Variants in REPS2 observed in about 807,000 individuals in gnomAD.
The protein encoded by REPS2 is RALBP1 associated Eps domain containing 2, also known as ralBP1-associated Eps domain-containing protein 2.
Under a neutral mutation model 53.6 loss-of-function variants are expected in REPS2, and 23 were observed. The observed-to-expected ratio is 0.43, with a 90% CI of 0.31 to 0.61. The LOEUF (loss-of-function observed/expected upper bound fraction) is 0.61, where lower values mean the gene tolerates loss of function less well. REPS2 is among the 20% of genes least tolerant of loss of function. The pLI is 0.11. For missense variants in REPS2, 446 were observed against 534.9 expected (o/e 0.83, Z 1.64); for synonymous variants, 238 against 218.6 (o/e 1.09, Z -0.78).
chrX:17,038,094 A>G (rs1225757162), intron 5 of REPS2, among the ~76,000 whole-genome samples: 2 of 112,573 alleles, frequency 1.8e-5, no homozygotes, highest in Non-Finnish European at 3.8e-5. Flanking sequence ...TGCCAGGGGT[A>G]CACTGAGGAG....
At chrX:17,087,924 C>T (rs867410882) in intron 13 of REPS2, among the ~76,000 whole-genome samples, 1 of 91,280 alleles carries the variant, frequency 1.1e-5, no homozygotes, top group African/African-American at 4.1e-5. Flanking sequence ...GAGACTCTGT[C>T]GATAGATAGA....
At chrX:16,963,120 A>C (rs1340436366) in intron 1 of REPS2, among the ~76,000 whole-genome samples, 5 of 111,697 alleles carry the variant, frequency 4.5e-5, no homozygotes, top group Admixed American at 9.4e-5. Context: ...AAAGATTAAA[A>C]AATAGTTGTA....
chrX:16,973,438 G>A (rs2060918958), intron 1 of REPS2, among the ~76,000 whole-genome samples: 1 of 111,656 alleles, frequency 9.0e-6, no homozygotes, highest in African/African-American at 3.3e-5. Flanking sequence ...ACAAATATTT[G>A]ATTAGCAGAA....
intron 13 of REPS2, among the ~76,000 whole-genome samples, chrX:17,080,855 C>T (rs1159947613): frequency 8.9e-6 from 1 of 111,848 alleles, no homozygotes; most frequent in Non-Finnish European, 1.9e-5. Context: ...TGCCTAACCA[C>T]GGGGACCACT....
intron 2 of REPS2, among the ~76,000 whole-genome samples, chrX:17,017,734 A>G (rs1009767021): frequency 3.6e-5 from 4 of 111,986 alleles, no homozygotes; most frequent in African/African-American, 1.3e-4. Flanking sequence ...TTCTGGCCAC[A>G]ATGGCTCACA....
At chrX:17,036,657 A>G (rs2061768923) in intron 5 of REPS2, among the ~76,000 whole-genome samples, 1 of 111,467 alleles carries the variant, frequency 9.0e-6, no homozygotes, top group African/African-American at 3.3e-5. Context: ...GTAAAGTTGA[A>G]TTACTTAGTT....
At chrX:17,172,128 A>T in the REPS2 span, among the ~76,000 whole-genome samples, 1 of 112,001 alleles carries the variant, frequency 8.9e-6, no homozygotes, top group African/African-American at 3.3e-5. Flanking sequence ...AATTTAAGAA[A>T]ATACAATACT....
intron 16 of REPS2, chrX:17,135,771 C>T (rs1218971497): frequency 6.2e-6 from 1 of 161,826 alleles, no homozygotes; most frequent in African/African-American, 3.1e-5. Flanking sequence ...TGTGTTATCT[C>T]CTTTTCCTTC....
At chrX:16,956,416 C>T (rs999084023) in intron 1 of REPS2, among the ~76,000 whole-genome samples, 6 of 106,531 alleles carry the variant, frequency 5.6e-5, no homozygotes, top group Non-Finnish European at 9.6e-5. Flanking sequence ...ATCCTTCCAT[C>T]TCAGCCTCCC....
chrX:17,132,783 C>G (rs1405456500), intron 14 of REPS2, among the ~76,000 whole-genome samples: 1 of 111,878 alleles, frequency 8.9e-6, no homozygotes, highest in Non-Finnish European at 1.9e-5. Context: ...GGTGATCCGC[C>G]TGCTTCGGCC....
chrX:17,032,478 T>C (rs1414113210), intron 5 of REPS2, among the ~76,000 whole-genome samples: 2 of 111,785 alleles, frequency 1.8e-5, no homozygotes, highest in African/African-American at 6.5e-5. Context: ...TAACTTGGTT[T>C]GGCTGGACTC....
At position 17,063,247 on chromosome X, in the gene REPS2, A is replaced by G. The variant is rs145613730; in HGVS notation, c.1209+715A>G. On this transcript the variant is annotated intron_variant, in intron 9 of 17. Coordinates refer to ENST00000357277, the MANE Select transcript of REPS2 (RefSeq NM_004726.3). ...TACCTGCTTTTCCCTTCCTTAAAAG[A>G]TCTGGAAATGTTTAATAAATGGAGC... Among the ~76,000 whole-genome samples, 556 of 112,102 alleles carry G rather than the reference A, an allele frequency of 5.0e-3. 5 individuals are homozygous for G. The highest frequency in any genetic ancestry group is 0.017 in the African/African-American group (511 of 30,821).
the REPS2 span, among the ~76,000 whole-genome samples, chrX:17,159,085 T>A: frequency 6.3e-5 from 7 of 111,760 alleles, no homozygotes; most frequent in Non-Finnish European, 1.3e-4. Context: ...TCCATCAAAT[T>A]TTTTTCATTG....
intron 3 of REPS2, 95 bp downstream of exon 3, chrX:17,022,366 A>T (rs1343084688): frequency 1.4e-4 from 110 of 787,692 alleles, no homozygotes; most frequent in Non-Finnish European, 1.9e-4. Context: ...AGCAAATCTC[A>T]CCATCTGGAA....
chrX:17,159,430 C>T, the REPS2 span, among the ~76,000 whole-genome samples: 2 of 111,588 alleles, frequency 1.8e-5, no homozygotes, highest in African/African-American at 3.3e-5. Context: ...CTTGTTACCT[C>T]TTGTAACCCC....
chrX:16,989,479 C>T (rs1277138124), intron 1 of REPS2, among the ~76,000 whole-genome samples: 1 of 111,657 alleles, frequency 9.0e-6, no homozygotes, highest in East Asian at 2.8e-4. Context: ...TGAGAAAGAC[C>T]TCATAAGAGG....
At chrX:17,129,500 T>C (rs1231498987) in intron 14 of REPS2, among the ~76,000 whole-genome samples, 1 of 111,725 alleles carries the variant, frequency 9.0e-6, no homozygotes, top group African/African-American at 3.3e-5. Flanking sequence ...GAATGCTTGA[T>C]AGATGGATCA....
At chrX:17,027,184 ATGCCAGAGATGACCC>A (rs1355041911) in intron 4 of REPS2, among the ~76,000 whole-genome samples, 1 of 111,499 alleles carries the variant, frequency 9.0e-6, no homozygotes, top group African/African-American at 3.3e-5. Flanking sequence ...CATATCCATT[ATGCCAGAGATGACCC>A]TCTCCGGTCA....
At chrX:17,035,167 A>G (rs2061751181) in intron 5 of REPS2, among the ~76,000 whole-genome samples, 1 of 110,326 alleles carries the variant, frequency 9.1e-6, no homozygotes, top group Non-Finnish European at 1.9e-5. Flanking sequence ...TCAAAAGATA[A>G]TTGATAGTCA....
Sources: allele counts gnomAD v4.1 joint callset (sites outside exome capture counted in the v4.1 genomes callset), GRCh38; gene constraint gnomAD v4.1.1; transcripts MANE v1.5; gene names NCBI Gene and HGNC (gene_info 2026-07-23, HGNC 2026-07-21).